Variants in LARGE1 observed in about 807,000 individuals in gnomAD.
The protein encoded by LARGE1 is LARGE xylosyl- and glucuronyltransferase 1.
Under a neutral mutation model 87.6 loss-of-function variants are expected in LARGE1, and 43 were observed. That is an observed-to-expected ratio of 0.49 (90% confidence interval 0.38 to 0.63). LARGE1 has a LOEUF of 0.63. Among genes scored for constraint, LARGE1 ranks in the 30% least tolerant of loss-of-function variants. The pLI is 0.00. For missense variants in LARGE1, 802 were observed against 1,000.2 expected (o/e 0.80, Z 2.67); for synonymous variants, 434 against 394.6 (o/e 1.10, Z -1.18).
At chr22:33,397,348 C>T (rs1394743168) in intron 7 of LARGE1, among the ~76,000 whole-genome samples, 2 of 152,200 alleles carry the variant, frequency 1.3e-5, no homozygotes, top group Non-Finnish European at 2.9e-5. Context: ...CTCCCGACCT[C>T]AGCTGATCCT....
chr22:33,298,522 A>G (rs1224629080), intron 12 of LARGE1, among the ~76,000 whole-genome samples: 2 of 152,226 alleles, frequency 1.3e-5, no homozygotes, highest in Non-Finnish European at 2.9e-5. Context: ...TAAATTCTAA[A>G]TAAAGAGTAC....
chr22:33,605,283 C>G (rs2079222071), intron 4 of LARGE1, among the ~76,000 whole-genome samples: 3 of 152,036 alleles, frequency 2.0e-5, no homozygotes. Context: ...TGGCAAACAA[C>G]TTCATTATGC....
chr22:33,262,929 G>A (rs1484042473), intron 11 of LARGE1, among the ~76,000 whole-genome samples: 1 of 146,360 alleles, frequency 6.8e-6, no homozygotes, highest in East Asian at 2.0e-4. Context: ...GTCTCACACT[G>A]TTGCCCAGGT....
At chr22:33,504,800 T>A (rs1294765322) in intron 6 of LARGE1, among the ~76,000 whole-genome samples, 2 of 152,044 alleles carry the variant, frequency 1.3e-5, no homozygotes, top group Non-Finnish European at 2.9e-5. Flanking sequence ...TACTCACATT[T>A]AAAAAAAATA....
At chr22:33,338,931 T>C (rs553248506) in intron 9 of LARGE1, among the ~76,000 whole-genome samples, 1 of 152,198 alleles carries the variant, frequency 6.6e-6, no homozygotes, top group Admixed American at 6.5e-5. Context: ...GCAGATCACC[T>C]GAGGTCAGGA....
At chr22:33,426,167 T>C (rs1332677890) in intron 7 of LARGE1, among the ~76,000 whole-genome samples, 2 of 152,218 alleles carry the variant, frequency 1.3e-5, no homozygotes, top group Non-Finnish European at 1.5e-5. Context: ...ATCTCAATCA[T>C]GGAAGAGGCT....
chr22:33,717,917 AC>A (rs2082960461), intron 2 of LARGE1, among the ~76,000 whole-genome samples: 2 of 151,992 alleles, frequency 1.3e-5, no homozygotes, highest in African/African-American at 4.8e-5. Flanking sequence ...CACTCATGTC[AC>A]CCCTGAGCAA....
chr22:33,861,890 G>T (rs61018104), intron 1 of LARGE1, among the ~76,000 whole-genome samples: 7,366 of 127,572 alleles, frequency 0.058, 635 homozygotes, highest in African/African-American at 0.21. Context: ...TTGAGACAAG[G>T]TCTCACTCTG....
At position 33,571,035 on chromosome 22, in the gene LARGE1, G is replaced by A. The variant is rs1055759362; in HGVS notation, c.616-6016C>T. 1.6e-4 allele frequency among the ~76,000 whole-genome samples: 24 copies of A among 152,102 alleles called. 2 individuals are homozygous for A. Among genetic ancestry groups the A allele is most frequent in the Admixed American group, 1.4e-3 (22 of 15,268 alleles). On this transcript the variant is annotated intron_variant, in intron 5 of 14. Coordinates refer to ENST00000397394, the MANE Select transcript of LARGE1 (RefSeq NM_133642.5). ...TTCATCACTATCAACACGCCAAAGG[G>A]TTCGTGTAATTAAAATGATAATAAA...
intron 12 of LARGE1, among the ~76,000 whole-genome samples, chr22:33,303,815 G>GA (rs368485389): frequency 6.6e-6 from 1 of 150,892 alleles, no homozygotes; most frequent in Non-Finnish European, 1.5e-5. Flanking sequence ...AGTAGGGGGG[G>GA]GGTTTCACCA....
intron 11 of LARGE1, among the ~76,000 whole-genome samples, chr22:33,189,351 A>C (rs1923656464): frequency 6.6e-6 from 1 of 152,172 alleles, no homozygotes. Flanking sequence ...CAAGACAAAC[A>C]AACTCACTAA....
intron 2 of LARGE1, among the ~76,000 whole-genome samples, chr22:33,701,305 A>T (rs561084078): frequency 1.3e-5 from 2 of 152,356 alleles, no homozygotes; most frequent in African/African-American, 4.8e-5. Context: ...AAAAGTTTTC[A>T]TAAAGCAAAG....
intron 11 of LARGE1, among the ~76,000 whole-genome samples, chr22:33,230,344 G>A (rs1925948452): frequency 6.6e-6 from 1 of 151,934 alleles, no homozygotes; most frequent in African/African-American, 2.4e-5. Flanking sequence ...TAAAATAACT[G>A]CCACACTGAA....
intron 1 of LARGE1, among the ~76,000 whole-genome samples, chr22:33,799,634 T>C (rs961014320): frequency 6.6e-6 from 1 of 152,052 alleles, no homozygotes; most frequent in Non-Finnish European, 1.5e-5. Flanking sequence ...GGTTTCTCCA[T>C]GTTGGTCAGG....
At chr22:33,881,895 C>T (rs747359086) in intron 1 of LARGE1, among the ~76,000 whole-genome samples, 1 of 152,218 alleles carries the variant, frequency 6.6e-6, no homozygotes, top group African/African-American at 2.4e-5. Context: ...GCAAAGCCCT[C>T]AGGGCAGTAC....
chr22:33,728,529 A>T (rs1326796111), intron 2 of LARGE1, among the ~76,000 whole-genome samples: 1 of 129,406 alleles, frequency 7.7e-6, no homozygotes, highest in African/African-American at 2.9e-5. Context: ...ACAAAGCGAG[A>T]CTCCGTCTCC....
chr22:33,869,350 T>C (rs1032134709), intron 1 of LARGE1, among the ~76,000 whole-genome samples: 5 of 152,104 alleles, frequency 3.3e-5, no homozygotes, highest in Non-Finnish European at 7.4e-5. Context: ...ACTGTTTCCA[T>C]AGATATCTAG....
chr22:33,222,635 G>C (rs1368000156), intron 11 of LARGE1, among the ~76,000 whole-genome samples: 7 of 152,154 alleles, frequency 4.6e-5, no homozygotes. Flanking sequence ...TGAAGACAGA[G>C]GCAGAAACTG....
chr22:33,730,345 G>A (rs1377592202), intron 2 of LARGE1, among the ~76,000 whole-genome samples: 1 of 152,138 alleles, frequency 6.6e-6, no homozygotes, highest in Non-Finnish European at 1.5e-5. Flanking sequence ...TACTGTTAAA[G>A]CTTCTGGTCA....
Sources: allele counts gnomAD v4.1 joint callset (sites outside exome capture counted in the v4.1 genomes callset), GRCh38; gene constraint gnomAD v4.1.1; transcripts MANE v1.5; gene names NCBI Gene and HGNC (gene_info 2026-07-23, HGNC 2026-07-21).